Variants in EML4 observed in about 807,000 individuals in gnomAD.
EML4 encodes EMAP like 4, also known as echinoderm microtubule-associated protein-like 4.
A neutral mutation model predicts 129.0 loss-of-function variants in EML4; 72 were observed. That is an observed-to-expected ratio of 0.56 (90% CI 0.46 to 0.68). The LOEUF is 0.68. EML4 is among the 30% of genes least tolerant of loss of function. The pLI is 0.00. For missense variants in EML4, 1,363 were observed against 1,190.6 expected (o/e 1.14, Z -2.13); for synonymous variants, 532 against 405.0 (o/e 1.31, Z -3.77).
Position 42,295,491 on chromosome 2 carries a change from G to C in EML4, c.1464G>C (p.Glu488Asp), listed in dbSNP as rs374218985. 6.2e-7 allele frequency: 1 copy of C among 1,613,068 alleles called. No individual in the cohort carries two copies. The highest frequency in any genetic ancestry group is 1.3e-5 in the African/African-American group (1 of 74,840). Residue 488 changes from glutamate to aspartate, a missense_variant, in exon 13 of 23, where the codon GAG (glutamate) becomes GAC (aspartate). Glu to Asp is a conservative substitution (Grantham distance 45). Coordinates refer to ENST00000318522, the MANE Select transcript of EML4 (RefSeq NM_019063.5). ...TTATATGGAGCAAAACTACTGTAGA[G>C]CCCACACCTGGGAAAGGACCTAAAG... ...VMLIWSKTTVEPTPGKGPKGV... is the reference protein window; with the variant it reads ...VMLIWSKTTVDPTPGKGPKGV...
intron 13 of EML4, among the ~76,000 whole-genome samples, chr2:42,299,996 A>G (rs1668190781): frequency 6.6e-6 from 1 of 152,170 alleles, no homozygotes; most frequent in Admixed American, 6.5e-5. Context: ...TTCACTTAGC[A>G]TTATGTTTTT....
rs1412259699 is a variant in EML4, at chr2:42,329,144, G to A, written c.2472+128G>A. 4.7e-6 allele frequency: 4 copies of A among 848,428 alleles called. No homozygotes were observed. In the East Asian group the frequency reaches 8.4e-5, roughly 18 times the overall value. The allele number at this position is 848,428 out of a possible 1,614,324, so 52.6% of individuals were successfully genotyped here. On this transcript the variant is annotated intron_variant, in intron 22 of 22. Transcript: ENST00000318522. ...ACTCCAGTGCACAGAGGGAGATAAG[G>A]GCCATCGGTGAGCATCCATCCAGGC...
intron 21 of EML4, among the ~76,000 whole-genome samples, 165 bp from the exon 22 acceptor site, chr2:42,328,720 GA>G (rs1669938694): frequency 6.6e-6 from 1 of 152,236 alleles, no homozygotes; most frequent in African/African-American, 2.4e-5. Context: ...TGATTTGAAT[GA>G]AGAACAGTGT....
In EML4 at chr2:42,257,143, TGGTGGGCA is replaced by T. The variant is rs1676206636; in HGVS notation, c.338+516_338+523del. 2.0e-5 allele frequency among the ~76,000 whole-genome samples: 3 copies of T among 152,116 alleles called. No homozygotes were observed. The South Asian group carries it at 6.2e-4, about 32-fold the overall frequency. ...GTGTATGTGTGTGTGTGTTAGGGGA[TGGTGGGCA>T]GGAGGGCTGTGGAATTACAGCAATA... On this transcript the variant is annotated intron_variant, in intron 3 of 22. Transcript: ENST00000318522.
intron 6 of EML4, among the ~76,000 whole-genome samples, chr2:42,266,586 C>A (rs1456945019): frequency 6.6e-6 from 1 of 152,094 alleles, no homozygotes; most frequent in African/African-American, 2.4e-5. Context: ...TCAAGCAGTC[C>A]TCCTGCCTCA....
chr2:42,326,391 A>C, intron 21 of EML4, 139 bp downstream of exon 21: 1 of 615,966 alleles, frequency 1.6e-6, no homozygotes, highest in East Asian at 3.0e-5. Flanking sequence ...CAGAGAAATT[A>C]AATGTATTAG....
rs753482880 is a variant in EML4 at position 42,304,514 on chromosome 2, A to G, written c.1930A>G (p.Ser644Gly). ...AGGACACTGTGCAGATTTTCATCCA[A>G]GTGGCACAGTGGTGGCCATAGGAAC... The part of the protein sequence containing the change: ...EPGHCADFHP[S>G]GTVVAIGTHS... The change falls in exon 17 of 23, where the codon AGT becomes GGT. Residue 644 changes from serine (S) to glycine (G), a missense_variant. Physicochemically the swap from Ser to Gly is moderately conservative, Grantham distance 56. Coordinates refer to ENST00000318522, the MANE Select transcript of EML4 (RefSeq NM_019063.5). 8.7e-5 allele frequency: 140 copies of G among 1,613,894 alleles called. 1 individual carries two copies. The Admixed American group carries it at 1.1e-3, about 12-fold the overall frequency.
In EML4 at chr2:42,286,461, C is replaced by A; in HGVS notation, c.1122+82C>A. 3.6e-6 allele frequency: 3 copies of A among 828,494 alleles called. No individual in the cohort carries two copies. The South Asian group carries it at 4.3e-5, about 12-fold the overall frequency. 51.3% of individuals were successfully genotyped at this position (828,494 alleles called of 1,614,324 possible). A position where few individuals can be genotyped will look rare whatever the true frequency, so the allele number is the denominator to read the frequency against. ...TAAGCTCAGTTTTGTGTTTATGTGG[C>A]CATGAAGTGATAATCCTGAGTTGAA... On this transcript the variant is annotated intron_variant, in intron 10 of 22. Coordinates refer to ENST00000318522, the MANE Select transcript of EML4 (RefSeq NM_019063.5).
At chr2:42,252,491 A>C (rs1038012414) in intron 2 of EML4, among the ~76,000 whole-genome samples, 8 of 152,188 alleles carry the variant, frequency 5.3e-5, no homozygotes, top group African/African-American at 1.4e-4. Flanking sequence ...CTAAAATGTA[A>C]ATTGAACTCT....
At chr2:42,233,367 G>A (rs12463723) in intron 1 of EML4, among the ~76,000 whole-genome samples, 3,724 of 149,966 alleles carry the variant, frequency 0.025, 517 homozygotes, top group Admixed American at 0.23. Context: ...GTGCAGTGGC[G>A]CGATCTCAGC....
chr2:42,190,950 A>T lies in EML4; in HGVS notation c.25+21314A>T, dbSNP rs141103468. 2.6e-3 allele frequency among the ~76,000 whole-genome samples: 403 copies of T among 152,366 alleles called. 2 individuals are homozygous for T. The highest frequency in any genetic ancestry group is 9.3e-3 in the African/African-American group (386 of 41,586). ...CATTCTTTGTGTGCAGGCCACACAAAAACAGTTGACAGGCCAGATTTGGCT... is the reference window on the plus strand; with the variant it reads ...CATTCTTTGTGTGCAGGCCACACAATAACAGTTGACAGGCCAGATTTGGCT... On this transcript the variant is annotated intron_variant, in intron 1 of 22. Transcript: ENST00000318522.
At chr2:42,273,207 G>A (rs1382759469) in intron 6 of EML4, among the ~76,000 whole-genome samples, 1 of 152,114 alleles carries the variant, frequency 6.6e-6, no homozygotes, top group Non-Finnish European at 1.5e-5. Context: ...AATGAGTTGG[G>A]AGAATTTTAA....
chr2:42,217,046 G>C (rs1222494988), intron 1 of EML4, among the ~76,000 whole-genome samples: 1 of 152,160 alleles, frequency 6.6e-6, no homozygotes, highest in African/African-American at 2.4e-5. Flanking sequence ...TTTTTGTTAA[G>C]TAAATTTTCA....
chr2:42,250,233 G>A (rs931398748), intron 2 of EML4, among the ~76,000 whole-genome samples: 1 of 152,124 alleles, frequency 6.6e-6, no homozygotes, highest in Non-Finnish European at 1.5e-5. Context: ...CTTGAGAAAC[G>A]AAAGAACCCA....
intron 1 of EML4, among the ~76,000 whole-genome samples, chr2:42,179,263 G>GGT (rs1670793896): frequency 7.0e-6 from 1 of 142,822 alleles, no homozygotes; most frequent in African/African-American, 2.6e-5. Flanking sequence ...GGGGAGCTGG[G>GGT]TTTTTTTTTT....
chr2:42,252,666 G>T (rs753560678), intron 2 of EML4, among the ~76,000 whole-genome samples: 1 of 152,138 alleles, frequency 6.6e-6, no homozygotes, highest in South Asian at 2.1e-4. Context: ...ACTCAATGCC[G>T]CAAATACATA....
At chr2:42,225,462 G>C (rs1037678217) in intron 1 of EML4, among the ~76,000 whole-genome samples, 2 of 151,988 alleles carry the variant, frequency 1.3e-5, no homozygotes, top group Middle Eastern at 6.8e-3. Context: ...TAATTTTTTT[G>C]CCTACTTCTG....
chr2:42,180,152 TA>T (rs1261722395), intron 1 of EML4, among the ~76,000 whole-genome samples: 1 of 152,026 alleles, frequency 6.6e-6, no homozygotes, highest in Non-Finnish European at 1.5e-5. Flanking sequence ...AGTATGGCAT[TA>T]AAAAAAATTG....
intron 1 of EML4, among the ~76,000 whole-genome samples, chr2:42,182,248 G>T: frequency 6.6e-6 from 1 of 150,502 alleles, no homozygotes; most frequent in Admixed American, 6.6e-5. Flanking sequence ...ATGCTGGTGC[G>T]CTGCACCCAC....
Sources: gnomAD v4.1 joint callset for allele counts (sites outside exome capture counted in the v4.1 genomes callset) on GRCh38, gnomAD v4.1.1 for gene constraint, MANE v1.5 for transcripts, NCBI Gene and HGNC (gene_info 2026-07-23, HGNC 2026-07-21) for gene names.